Variants in MSRA observed in about 807,000 individuals in gnomAD.
The protein encoded by MSRA is methionine sulfoxide reductase A.
A neutral mutation model predicts 31.3 loss-of-function variants in MSRA; 54 were observed. The ratio of observed to expected loss-of-function variants is 1.73; its 90% CI spans 1.39 to 2.17. The LOEUF (loss-of-function observed/expected upper bound fraction) is 2.17. Ranked by LOEUF, MSRA falls within the 30% of genes most tolerant of loss-of-function variation. MSRA has a pLI of 0.00. For synonymous variants in MSRA, 169 were observed against 116.5 expected (o/e 1.45, Z -2.90); for missense variants, 507 against 300.9 (o/e 1.69, Z -5.07).
intron 2 of MSRA, among the ~76,000 whole-genome samples, chr8:10,230,743 C>G (rs558219109): frequency 6.6e-6 from 1 of 152,260 alleles, no homozygotes; most frequent in South Asian, 2.1e-4. Flanking sequence ...ATTCTTAAGA[C>G]TGTTTAAGAT....
At chr8:10,110,815 C>G (rs1800224824) in intron 1 of MSRA, among the ~76,000 whole-genome samples, 1 of 152,172 alleles carries the variant, frequency 6.6e-6, no homozygotes, top group African/African-American at 2.4e-5. Context: ...TGGGGTCATA[C>G]AGCACAAAAT....
intron 5 of MSRA, among the ~76,000 whole-genome samples, chr8:10,370,249 T>C (rs904089708): frequency 6.6e-6 from 1 of 152,190 alleles, no homozygotes; most frequent in Non-Finnish European, 1.5e-5. Context: ...ACATAACCAA[T>C]AAGTGGCAAA....
chr8:10,117,367 C>G (rs1800762251), intron 1 of MSRA, among the ~76,000 whole-genome samples: 1 of 152,172 alleles, frequency 6.6e-6, no homozygotes, highest in Non-Finnish European at 1.5e-5. Context: ...AAATCCACAG[C>G]TCTTCCCTAG....
chr8:10,314,197 G>A (rs573883570), intron 4 of MSRA, among the ~76,000 whole-genome samples: 3 of 151,754 alleles, frequency 2.0e-5, no homozygotes, highest in Non-Finnish European at 2.9e-5. Flanking sequence ...GCATCATAAA[G>A]AAAATGCCAA....
chr8:10,089,766 C>G (rs768638073), intron 1 of MSRA, among the ~76,000 whole-genome samples: 1 of 152,172 alleles, frequency 6.6e-6, no homozygotes, highest in South Asian at 2.1e-4. Context: ...CGAGCACCTG[C>G]GAAGAAGGAC....
intron 2 of MSRA, among the ~76,000 whole-genome samples, chr8:10,244,151 C>A (rs981952236): frequency 2.0e-5 from 3 of 152,102 alleles, no homozygotes; most frequent in African/African-American, 7.2e-5. Context: ...AACTGTTGTT[C>A]CACTCAGGAT....
intron 1 of MSRA, among the ~76,000 whole-genome samples, chr8:10,145,580 T>A (rs1164752910): frequency 6.6e-6 from 1 of 152,176 alleles, no homozygotes; most frequent in African/African-American, 2.4e-5. Context: ...CGGGTGGCCT[T>A]CTTGTACTTT....
At chr8:10,405,669 G>A (rs1807759313) in intron 5 of MSRA, among the ~76,000 whole-genome samples, 1 of 152,262 alleles carries the variant, frequency 6.6e-6, no homozygotes, top group African/African-American at 2.4e-5. Context: ...GCAGAGAGGT[G>A]AGGCTTGGAG....
intron 4 of MSRA, among the ~76,000 whole-genome samples, chr8:10,314,353 G>C (rs1193446717): frequency 6.6e-6 from 1 of 151,778 alleles, no homozygotes; most frequent in East Asian, 1.9e-4. Context: ...ACTGCTGAGA[G>C]AAAAAATGGG....
chr8:10,285,413 T>C (rs1799880587), intron 3 of MSRA, among the ~76,000 whole-genome samples: 1 of 152,228 alleles, frequency 6.6e-6, no homozygotes, highest in Non-Finnish European at 1.5e-5. Flanking sequence ...GATGTTTCCA[T>C]ACATGTATAC....
intron 2 of MSRA, among the ~76,000 whole-genome samples, chr8:10,215,510 C>T (rs969565117): frequency 6.6e-6 from 1 of 152,184 alleles, no homozygotes; most frequent in Admixed American, 6.5e-5. Flanking sequence ...GGGAGAGTGA[C>T]GCCAACATCA....
intron 3 of MSRA, among the ~76,000 whole-genome samples, chr8:10,281,198 C>G (rs1413516812): frequency 6.6e-6 from 1 of 152,162 alleles, no homozygotes; most frequent in African/African-American, 2.4e-5. Flanking sequence ...GAGAAAAAAG[C>G]ATTTTCTACC....
chr8:10,117,135 G>A (rs571382563), intron 1 of MSRA, among the ~76,000 whole-genome samples: 4 of 152,132 alleles, frequency 2.6e-5, no homozygotes, highest in Non-Finnish European at 5.9e-5. Flanking sequence ...CTTTCTAGGA[G>A]TCCTCTCCTA....
intron 5 of MSRA, among the ~76,000 whole-genome samples, chr8:10,389,790 C>CTTTTTTTTTT (rs55769720): frequency 4.9e-5 from 6 of 123,398 alleles, no homozygotes; most frequent in Non-Finnish European, 8.1e-5. Flanking sequence ...GAAACTTACT[C>CTTTTTTTTTT]TTTTTTTTTT....
chr8:10,310,241 A>G (rs78151326), intron 4 of MSRA, among the ~76,000 whole-genome samples: 2 of 152,246 alleles, frequency 1.3e-5, no homozygotes, highest in East Asian at 3.8e-4. Context: ...ACAGCTGCAC[A>G]CATATAAAAT....
At chr8:10,295,184 C>T (rs576793381) in intron 3 of MSRA, among the ~76,000 whole-genome samples, 125 of 152,098 alleles carry the variant, frequency 8.2e-4, no homozygotes, top group Non-Finnish European at 7.1e-4. Flanking sequence ...GCTACGTTCT[C>T]AGATAAGTTC....
chr8:10,083,796 G>A lies in MSRA; in HGVS notation c.142+29138G>A, dbSNP rs78819994. Among the ~76,000 whole-genome samples the A allele has an allele frequency of 1.9e-3, 286 of 152,038 alleles. 2 individuals are homozygous for A. The highest frequency in any genetic ancestry group is 6.6e-3 in the African/African-American group (274 of 41,456). On this transcript the variant is annotated intron_variant, in intron 1 of 5. Coordinates refer to ENST00000317173, the MANE Select transcript of MSRA (RefSeq NM_012331.5). ...ATTTTGATGTCTGTGGATTAATGGC[G>A]TCTGTATTCACGATGTTTCAGACCT...
At chr8:10,319,404 A>T (rs920913695) in intron 4 of MSRA, among the ~76,000 whole-genome samples, 1 of 152,148 alleles carries the variant, frequency 6.6e-6, no homozygotes, top group East Asian at 1.9e-4. Flanking sequence ...GACTTTAGTC[A>T]TAGGTGCAGG....
At chr8:10,120,732 C>G (rs1171781523) in intron 1 of MSRA, among the ~76,000 whole-genome samples, 1 of 152,160 alleles carries the variant, frequency 6.6e-6, no homozygotes, top group Admixed American at 6.5e-5. Flanking sequence ...AATGGAAGCT[C>G]TTAACTGACC....
Sources: gnomAD v4.1 joint callset for allele counts (sites outside exome capture counted in the v4.1 genomes callset) on GRCh38, gnomAD v4.1.1 for gene constraint, MANE v1.5 for transcripts, NCBI Gene and HGNC (gene_info 2026-07-23, HGNC 2026-07-21) for gene names.